Variants in TOMM20 observed in about 807,000 individuals in gnomAD.
TOMM20 encodes the protein mitochondrial import receptor subunit TOM20 homolog.
TOMM20 carries 10 observed loss-of-function variants against 22.1 expected under a neutral mutation model. The ratio of observed to expected loss-of-function variants is 0.45; its 90% confidence interval spans 0.28 to 0.77. The LOEUF is 0.77. Ranked by LOEUF, TOMM20 falls within the 30% of genes least tolerant of loss-of-function variation. The pLI, the probability that TOMM20 is intolerant of heterozygous loss-of-function variation, is 0.13. For missense variants in TOMM20, 121 were observed against 172.2 expected (o/e 0.70, Z 1.66); for synonymous variants, 55 against 61.4 (o/e 0.90, Z 0.49).
In TOMM20 at chr1:235,128,665, G is replaced by A. The variant is rs976732452; in HGVS notation, c.51C>T (p.Phe17=). 6 of 1,614,076 alleles carry A rather than the reference G, an allele frequency of 3.7e-6. 1 individual carries two copies. In the East Asian group the frequency reaches 1.3e-4, roughly 36 times the overall value. Residue 17 remains phenylalanine (F), a synonymous_variant, in exon 1 of 5, where the codon TTC becomes TTT. Coordinates refer to ENST00000366607, the MANE Select transcript of TOMM20 (RefSeq NM_014765.3). ...GGTCGAAGTAGATGCAGTACCCAATGAAAAGGGCCCCGCATACACCGGCGG... is the reference window on the plus strand; with the variant it reads ...GGTCGAAGTAGATGCAGTACCCAATAAAAAGGGCCCCGCATACACCGGCGG... ...AIAAGVCGAL[F]IGYCIYFDRK...
At chr1:235,114,059 TATG>T (rs1351537644) in intron 3 of TOMM20, 149 bp from the exon 4 acceptor site, 14 of 785,930 alleles carry the variant, frequency 1.8e-5, no homozygotes, top group Non-Finnish European at 2.7e-5. Flanking sequence ...ATATAACTAT[TATG>T]AAGCTACTAA....
In TOMM20 at chr1:235,116,862, A is replaced by G. The variant is rs181298334; in HGVS notation, c.251-2952T>C. ...TTAAAGAGTAAGAATGGGGCTGGGC[A>G]CGCTGGCTCAAGCCTGTAATCCCAG... is the stretch of plus-strand genomic sequence containing the variant. On this transcript the variant is annotated intron_variant, in intron 3 of 4. Coordinates refer to ENST00000366607, the MANE Select transcript of TOMM20 (RefSeq NM_014765.3). Among the ~76,000 whole-genome samples, 1,136 of 152,080 alleles carry G rather than the reference A, an allele frequency of 7.5e-3. 11 individuals are homozygous for G. The highest frequency in any genetic ancestry group is 0.02 in the African/African-American group (823 of 41,484).
chr1:235,123,449 C>T (rs1259743125), intron 1 of TOMM20, among the ~76,000 whole-genome samples: 5 of 152,206 alleles, frequency 3.3e-5, no homozygotes, highest in Non-Finnish European at 7.3e-5. Context: ...TGTGCCACTG[C>T]ACTTCAGCCT....
chr1:235,124,647 C>T (rs953586449), intron 1 of TOMM20, among the ~76,000 whole-genome samples: 7 of 152,012 alleles, frequency 4.6e-5, no homozygotes, highest in Non-Finnish European at 7.4e-5. Flanking sequence ...ATAATGAAAC[C>T]CAGGAAAGTG....
intron 3 of TOMM20, among the ~76,000 whole-genome samples, chr1:235,118,540 T>A (rs1170964695): frequency 3.3e-5 from 5 of 152,202 alleles, no homozygotes; most frequent in Non-Finnish European, 7.3e-5. Context: ...GTATATAGTT[T>A]TTAAGAGACA....
intron 3 of TOMM20, among the ~76,000 whole-genome samples, chr1:235,114,970 A>G (rs913162455): frequency 1.3e-5 from 2 of 151,980 alleles, no homozygotes; most frequent in Admixed American, 6.6e-5. Context: ...CCTGGGCTCA[A>G]GCAATCCTCC....
chr1:235,125,479 T>C (rs1055205803), intron 1 of TOMM20, among the ~76,000 whole-genome samples: 1 of 152,008 alleles, frequency 6.6e-6, no homozygotes, highest in Non-Finnish European at 1.5e-5. Context: ...CCTCCCAAAG[T>C]GCTGGGTTTA....
At chr1:235,124,504 T>C (rs899050831) in intron 1 of TOMM20, among the ~76,000 whole-genome samples, 1 of 152,166 alleles carries the variant, frequency 6.6e-6, no homozygotes, top group Non-Finnish European at 1.5e-5. Flanking sequence ...TAGTTAATAG[T>C]GTGGAGAAGT....
Position 235,119,726 on chromosome 1 carries a change from G to C in TOMM20, c.250+92C>G, listed in dbSNP as rs1660898476. ...GATACTTGGAGTACCTTTTCTAACA[G>C]CCAAATTACACAAACAAAGCCCCTT... On this transcript the variant is annotated intron_variant, in intron 3 of 4. Coordinates refer to ENST00000366607, the MANE Select transcript of TOMM20 (RefSeq NM_014765.3). The C allele has an allele frequency of 8.9e-6, 7 of 790,914 alleles. No individual in the cohort carries two copies. In the South Asian group the frequency reaches 1.7e-4, roughly 19 times the overall value. 49.0% of individuals were successfully genotyped at this position (790,914 alleles called of 1,614,324 possible).
chr1:235,128,571 C>A, intron 1 of TOMM20, 24 bp downstream of exon 1: 5 of 1,611,710 alleles, frequency 3.1e-6, no homozygotes, highest in Non-Finnish European at 4.2e-6. Context: ...GCAAGCCTGG[C>A]CAGGGGAGAG....
chr1:235,125,500 C>A (rs1020929006), intron 1 of TOMM20, among the ~76,000 whole-genome samples: 2 of 152,042 alleles, frequency 1.3e-5, no homozygotes, highest in African/African-American at 4.8e-5. Flanking sequence ...CAGGCCTGAG[C>A]CACCACGCCC....
chr1:235,123,277 G>C (rs1195662371), intron 1 of TOMM20, among the ~76,000 whole-genome samples: 2 of 152,186 alleles, frequency 1.3e-5, no homozygotes, highest in East Asian at 3.9e-4. Context: ...ACAAGGTCAG[G>C]AGTTCGAGAC....
intron 1 of TOMM20, among the ~76,000 whole-genome samples, chr1:235,126,684 T>C (rs1572132965): frequency 1.3e-5 from 2 of 151,906 alleles, no homozygotes; most frequent in East Asian, 3.9e-4. Context: ...GCGCCTGTAA[T>C]CCCAGCTACT....
At chr1:235,114,103 T>C (rs186093787) in intron 3 of TOMM20, among the ~76,000 whole-genome samples, 193 bp from the exon 4 acceptor site, 17 of 152,342 alleles carry the variant, frequency 1.1e-4, no homozygotes, top group African/African-American at 3.6e-4. Flanking sequence ...TGTACTGATA[T>C]GGAAGTGTTT....
At position 235,128,745 on chromosome 1, in the gene TOMM20, G is replaced by A. The variant is rs1558131953; in HGVS notation, c.-30C>T. 6 of 1,612,990 alleles carry A rather than the reference G, an allele frequency of 3.7e-6. No homozygotes were observed. The highest frequency in any genetic ancestry group is 1.1e-5 in the South Asian group (1 of 91,076). On this transcript the variant is annotated 5_prime_UTR_variant, in exon 1 of 5. Transcript: ENST00000366607. ...TCTACAACGCTGAGCGTGGACGGTGGCGGCAGGGACCGCGAAGGAGCGGTG... is the reference window on the plus strand; with the variant it reads ...TCTACAACGCTGAGCGTGGACGGTGACGGCAGGGACCGCGAAGGAGCGGTG...
chr1:235,119,026 C>A (rs1329267836), intron 3 of TOMM20, among the ~76,000 whole-genome samples: 4 of 152,234 alleles, frequency 2.6e-5, no homozygotes, highest in African/African-American at 9.6e-5. Flanking sequence ...CATTCACACA[C>A]AAATGCCCCA....
chr1:235,112,707 G>C (rs115825106), intron 4 of TOMM20, among the ~76,000 whole-genome samples: 1,725 of 152,166 alleles, frequency 0.011, 29 homozygotes, highest in African/African-American at 0.036. Context: ...GGCAAACCAA[G>C]AACACTGATA....
chr1:235,120,106 GAAT>G (rs1264182176), intron 2 of TOMM20, among the ~76,000 whole-genome samples: 2 of 152,180 alleles, frequency 1.3e-5, no homozygotes, highest in African/African-American at 4.8e-5. Flanking sequence ...GTTTGTAGTT[GAAT>G]AATTCTTAGA....
intron 1 of TOMM20, 69 bp downstream of exon 1, chr1:235,128,526 A>G (rs1217210468): frequency 3.1e-6 from 5 of 1,605,962 alleles, no homozygotes; most frequent in East Asian, 2.2e-5. Context: ...GTGGGAGGCA[A>G]TGACCCCTCC....
Sources: allele counts gnomAD v4.1 joint callset (sites outside exome capture counted in the v4.1 genomes callset), GRCh38; gene constraint gnomAD v4.1.1; transcripts MANE v1.5; gene names NCBI Gene and HGNC (gene_info 2026-07-23, HGNC 2026-07-21).